The following RBMXL1 variants were observed in gnomAD, a reference collection of about 807,000 sequenced individuals.
RBMXL1 encodes the protein RBMX like 1, also known as RNA binding motif protein, X-linked-like-1.
Under a neutral mutation model 29.0 loss-of-function variants are expected in RBMXL1, and 18 were observed. The observed-to-expected ratio is 0.62, with a 90% CI of 0.43 to 0.92. RBMXL1 has a LOEUF of 0.92. Among genes scored for constraint, RBMXL1 ranks in the 40% least tolerant of loss-of-function variants. The probability of loss-of-function intolerance (pLI) is 0.00; values close to 1 mark genes in which losing one functional copy is unlikely to be tolerated. For synonymous variants in RBMXL1, 141 were observed against 170.4 expected (o/e 0.83, Z 1.34); for missense variants, 403 against 495.8 (o/e 0.81, Z 1.78).
chr1:88,991,601 T>A (rs1429391468), intron 1 of RBMXL1, among the ~76,000 whole-genome samples: 11 of 152,178 alleles, frequency 7.2e-5, no homozygotes, highest in African/African-American at 2.7e-4. Flanking sequence ...CAAAGCCACG[T>A]CTTTAGAACA....
chr1:88,988,496 TTTTC>T, intron 1 of RBMXL1, 145 bp from the exon 2 acceptor site: 2 of 510,014 alleles, frequency 3.9e-6, no homozygotes, highest in Admixed American at 3.7e-5. Flanking sequence ...TTCTTTCAAG[TTTTC>T]TTTCTATGAT....
At position 88,983,973 on chromosome 1, in the gene RBMXL1, C is replaced by T. The variant is rs1049643632; in HGVS notation, c.-147G>A. The T allele has an allele frequency of 2.9e-6, 2 of 681,994 alleles. No homozygotes were observed. Among genetic ancestry groups the T allele is most frequent in the Admixed American group, 2.9e-5 (1 of 34,644 alleles). The allele number at this position is 681,994 out of a possible 1,614,324, so 42.2% of individuals were successfully genotyped here. On this transcript the variant is annotated 5_prime_UTR_variant, in exon 3 of 3. Coordinates refer to ENST00000652648, the MANE Select transcript of RBMXL1 (RefSeq NM_001162536.3). ...GAAGCCGCTAGCACTACTGCGCAAT[C>T]TGGATGCTTTTTAAGGTATGGCTAT...
intron 1 of RBMXL1, among the ~76,000 whole-genome samples, chr1:88,991,983 G>GC (rs1553173714): frequency 6.9e-6 from 1 of 144,796 alleles, no homozygotes; most frequent in Admixed American, 6.8e-5. Context: ...TATTCTTTTG[G>GC]TTTTTTTTTT....
chr1:88,988,410 C>T lies in RBMXL1; in HGVS notation c.-340-59G>A, dbSNP rs571151021. The T allele has an allele frequency of 6.6e-6, 6 of 909,488 alleles. No homozygotes were observed. In the African/African-American group the frequency reaches 9.9e-5, roughly 15 times the overall value. 56.3% of individuals were successfully genotyped at this position (909,488 alleles called of 1,614,324 possible). Reference sequence around the variant, plus strand: ...AAATATATGATGGGTACATCACTATCAGACACTTACAGCTAGCTGATGTAT... The same window carrying T: ...AAATATATGATGGGTACATCACTATTAGACACTTACAGCTAGCTGATGTAT... On this transcript the variant is annotated intron_variant, in intron 1 of 2. Transcript: ENST00000652648.
rs1677031034 is a variant in RBMXL1 at position 88,980,492 on chromosome 1, G to C, written c.*2162C>G. 6.6e-6 allele frequency: 1 copy of C among 151,824 alleles called. No individual in the cohort carries two copies. The highest frequency in any genetic ancestry group is 1.5e-5 in the Non-Finnish European group (1 of 67,936). 9.4% of individuals were successfully genotyped at this position (151,824 alleles called of 1,614,324 possible). On this transcript the variant is annotated 3_prime_UTR_variant, in exon 3 of 3. Coordinates refer to ENST00000652648, the MANE Select transcript of RBMXL1 (RefSeq NM_001162536.3). ...TACAAAACATTCCAAAAAGTGAAAA[G>C]TGATCTATAATACCCAAGTTCTATG...
intron 2 of RBMXL1, among the ~76,000 whole-genome samples, chr1:88,985,265 T>C (rs1164615772): frequency 1.3e-5 from 2 of 152,204 alleles, no homozygotes; most frequent in Non-Finnish European, 2.9e-5. Flanking sequence ...CCCATATCAA[T>C]AGGCCTGGGG....
At chr1:88,986,916 C>T (rs944628764) in intron 2 of RBMXL1, among the ~76,000 whole-genome samples, 1 of 152,180 alleles carries the variant, frequency 6.6e-6, no homozygotes, top group African/African-American at 2.4e-5. Context: ...AAATGCAAAG[C>T]CTCTGATGAA....
Position 88,981,938 on chromosome 1 carries a change from G to C in RBMXL1, c.*716C>G, listed in dbSNP as rs1328847210. On this transcript the variant is annotated 3_prime_UTR_variant, in exon 3 of 3. Transcript: ENST00000652648. ...GAGTTGCAAAAATTTGAAAGAGTAA[G>C]AGCAAGCACCTTTGCAGCTTCATGG... The C allele has an allele frequency of 2.0e-6, 2 of 980,964 alleles. No individual in the cohort carries two copies. The highest frequency in any genetic ancestry group is 2.4e-6 in the Non-Finnish European group (2 of 825,608). The allele number at this position is 980,964 out of a possible 1,614,324, so 60.8% of individuals were successfully genotyped here.
rs775468554 is a variant in RBMXL1 at position 88,983,130 on chromosome 1, C to G, written c.697G>C (p.Asp233His). The change falls in exon 3 of 3, where the codon GAT becomes CAT. Residue 233 changes from aspartate (D) to histidine (H), a missense_variant. Asp to His is a moderately conservative substitution (Grantham distance 81). Coordinates refer to ENST00000652648, the MANE Select transcript of RBMXL1 (RefSeq NM_001162536.3). Reference protein sequence around the residue: ...RDYPSSRDTRDYAPPPRDYTY... With the variant: ...RDYPSSRDTRHYAPPPRDYTY... ...TAATCTCGTGGTGGTGGTGCATAAT[C>G]TCTTGTATCACGAGAACTTGGGTAA... is the stretch of plus-strand genomic sequence containing the variant. The G allele has an allele frequency of 1.2e-6, 2 of 1,612,430 alleles. No individual in the cohort carries two copies. Among genetic ancestry groups the G allele is most frequent in the East Asian group, 4.5e-5 (2 of 44,876 alleles).
In RBMXL1 at chr1:88,982,027, T is replaced by C; in HGVS notation, c.*627A>G. 1.0e-6 allele frequency: 1 copy of C among 979,992 alleles called. No homozygotes were observed. 60.7% of individuals were successfully genotyped at this position (979,992 alleles called of 1,614,324 possible). ...TGTTTAGCACACACTTAAATGGTCT[T>C]ATTGTGGGAGGGGAAAGGGGAGGTT... On this transcript the variant is annotated 3_prime_UTR_variant, in exon 3 of 3. Transcript: ENST00000652648.
Position 88,981,239 on chromosome 1 carries a change from T to C in RBMXL1, c.*1415A>G, listed in dbSNP as rs1677071159. 1 of 152,218 alleles carries C rather than the reference T, an allele frequency of 6.6e-6. No homozygotes were observed. Among genetic ancestry groups the C allele is most frequent in the African/African-American group, 2.4e-5 (1 of 41,444 alleles). The allele number at this position is 152,218 out of a possible 1,614,324, so 9.4% of individuals were successfully genotyped here. On this transcript the variant is annotated 3_prime_UTR_variant, in exon 3 of 3. Transcript: ENST00000652648. ...AAGTTTTATTCTACAACTAAACTGTTTGTGGATAAGCCACCACAAAAAAAT... is the reference window on the plus strand; with the variant it reads ...AAGTTTTATTCTACAACTAAACTGTCTGTGGATAAGCCACCACAAAAAAAT...
At chr1:88,988,821 G>A (rs976759954) in intron 1 of RBMXL1, among the ~76,000 whole-genome samples, 16 of 152,148 alleles carry the variant, frequency 1.1e-4, no homozygotes, top group East Asian at 1.9e-4. Context: ...TTGAAAAGAC[G>A]AATGATAGTA....
chr1:88,981,428 C>T lies in RBMXL1; in HGVS notation c.*1226G>A, dbSNP rs1677084193. The T allele has an allele frequency of 6.5e-6, 1 of 152,710 alleles. No individual in the cohort carries two copies. Among genetic ancestry groups the T allele is most frequent in the Admixed American group, 6.5e-5 (1 of 15,296 alleles). 9.5% of individuals were successfully genotyped at this position (152,710 alleles called of 1,614,324 possible). ...TCTGTGTAAAGGACCACGAGAACCT[C>T]CTGACTACCTCCACTTACCAATTTC... On this transcript the variant is annotated 3_prime_UTR_variant, in exon 3 of 3. Transcript: ENST00000652648.
At position 88,980,615 on chromosome 1, in the gene RBMXL1, A is replaced by G. The variant is rs114799479; in HGVS notation, c.*2039T>C. On this transcript the variant is annotated 3_prime_UTR_variant, in exon 3 of 3. Coordinates refer to ENST00000652648, the MANE Select transcript of RBMXL1 (RefSeq NM_001162536.3). ...AATCAAGATCTGATTCTTTTTCCAC[A>G]CGTCTGCTAGTTCAGTAAACTATTT... The G allele has an allele frequency of 3.9e-5, 6 of 152,540 alleles. No individual in the cohort carries two copies. Among genetic ancestry groups the G allele is most frequent in the Non-Finnish European group, 7.4e-5 (5 of 68,018 alleles). 9.4% of individuals were successfully genotyped at this position (152,540 alleles called of 1,614,324 possible).
chr1:88,989,283 T>C lies in RBMXL1; in HGVS notation c.-340-932A>G, dbSNP rs577467623. On this transcript the variant is annotated intron_variant, in intron 1 of 2. Coordinates refer to ENST00000652648, the MANE Select transcript of RBMXL1 (RefSeq NM_001162536.3). ...CAAACCCAGTAGTATACAAGAAGGATAATACATCATGACCAAGGGGGGTTG... is the reference window on the plus strand; with the variant it reads ...CAAACCCAGTAGTATACAAGAAGGACAATACATCATGACCAAGGGGGGTTG... Among the ~76,000 whole-genome samples, 22 of 152,264 alleles carry C rather than the reference T, an allele frequency of 1.4e-4. No individual in the cohort carries two copies. In the East Asian group the frequency reaches 4.2e-3, roughly 29 times the overall value.
rs752099183 is a variant in RBMXL1, at chr1:88,983,680, T to C, written c.147A>G (p.Arg49=). 31 of 1,613,738 alleles carry C rather than the reference T, an allele frequency of 1.9e-5. No homozygotes were observed. The South Asian group carries it at 3.2e-4, about 17-fold the overall frequency. Residue 49 remains arginine, a synonymous_variant, in exon 3 of 3, where the codon AGA becomes AGG. Coordinates refer to ENST00000652648, the MANE Select transcript of RBMXL1 (RefSeq NM_001162536.3). ...LIKDRETNKS[R]GFAFVTFESP... is the part of the protein sequence containing the mutation. ...TTTCAAAGGTGACAAAAGCAAATCC[T>C]CTTGATTTGTTGGTTTCACGGTCTT...
At chr1:88,989,633 T>C (rs958968705) in intron 1 of RBMXL1, among the ~76,000 whole-genome samples, 1 of 152,098 alleles carries the variant, frequency 6.6e-6, no homozygotes, top group African/African-American at 2.4e-5. Flanking sequence ...ATGGAGGTAA[T>C]GTGCTAATAA....
intron 1 of RBMXL1, among the ~76,000 whole-genome samples, chr1:88,989,891 G>A (rs1677688463): frequency 6.6e-6 from 1 of 152,190 alleles, no homozygotes; most frequent in Non-Finnish European, 1.5e-5. Flanking sequence ...GCTGGAGAAA[G>A]TCCCACGGGA....
At position 88,980,686 on chromosome 1, in the gene RBMXL1, A is replaced by G. The variant is rs1411982970; in HGVS notation, c.*1968T>C. 1 of 152,388 alleles carries G rather than the reference A, an allele frequency of 6.6e-6. No homozygotes were observed. The highest frequency in any genetic ancestry group is 6.5e-5 in the Admixed American group (1 of 15,280). 9.4% of individuals were successfully genotyped at this position (152,388 alleles called of 1,614,324 possible). ...TTTTAACATACTCCTTGCTTTGAAC[A>G]ATATTCATTCATATTTGGTACAAAC... On this transcript the variant is annotated 3_prime_UTR_variant, in exon 3 of 3. Transcript: ENST00000652648.
Sources: allele counts gnomAD v4.1 joint callset (sites outside exome capture counted in the v4.1 genomes callset), GRCh38; gene constraint gnomAD v4.1.1; transcripts MANE v1.5; gene names NCBI Gene and HGNC (gene_info 2026-07-23, HGNC 2026-07-21).